NELL1: variants seen among roughly 807,000 people sequenced by gnomAD.
The protein encoded by NELL1 is neural EGFL like 1.
NELL1 carries 76 observed loss-of-function variants against 107.4 expected under a neutral mutation model. That is an observed-to-expected ratio of 0.71 (90% CI 0.59 to 0.86). The LOEUF is 0.86. Ranked by LOEUF, NELL1 falls within the 40% of genes least tolerant of loss-of-function variation. The probability of loss-of-function intolerance (pLI) is 0.00; values close to 1 mark genes in which losing one functional copy is unlikely to be tolerated. For synonymous variants in NELL1, 353 were observed against 341.2 expected (o/e 1.03, Z -0.38); for missense variants, 1,024 against 1,005.5 (o/e 1.02, Z -0.25).
At chr11:21,471,352 C>A (rs1217465543) in intron 15 of NELL1, among the ~76,000 whole-genome samples, 1 of 152,036 alleles carries the variant, frequency 6.6e-6, no homozygotes, top group East Asian at 1.9e-4. Context: ...CATTTTCTGT[C>A]TTGACCACTA....
At chr11:20,753,523 A>G (rs1413735350) in intron 2 of NELL1, among the ~76,000 whole-genome samples, 1 of 152,204 alleles carries the variant, frequency 6.6e-6, no homozygotes, top group Non-Finnish European at 1.5e-5. Context: ...GTCTAGCTCT[A>G]ACTACATATT....
At chr11:21,065,652 G>A (rs908725743) in intron 12 of NELL1, among the ~76,000 whole-genome samples, 5 of 152,206 alleles carry the variant, frequency 3.3e-5, no homozygotes, top group Admixed American at 6.5e-5. Flanking sequence ...GATGTCAACT[G>A]TGGAGTAAAT....
intron 2 of NELL1, among the ~76,000 whole-genome samples, chr11:20,705,241 C>T (rs1196117495): frequency 6.6e-6 from 1 of 152,158 alleles, no homozygotes; most frequent in Non-Finnish European, 1.5e-5. Flanking sequence ...CTGGATGCAT[C>T]ACGCTACCTG....
intron 14 of NELL1, chr11:21,260,431 AC>A: frequency 6.6e-6 from 1 of 152,040 alleles, no homozygotes; most frequent in South Asian, 2.1e-4. Context: ...TGACTGGCAA[AC>A]ATGGCTCTTC....
intron 15 of NELL1, among the ~76,000 whole-genome samples, chr11:21,465,129 T>C (rs911239360): frequency 2.6e-5 from 4 of 152,062 alleles, no homozygotes; most frequent in African/African-American, 9.7e-5. Context: ...TCTGATGGTA[T>C]TCAAATATCC....
chr11:20,902,423 A>C (rs1849895823), intron 5 of NELL1, among the ~76,000 whole-genome samples: 2 of 152,092 alleles, frequency 1.3e-5, no homozygotes, highest in South Asian at 4.1e-4. Flanking sequence ...ATTATGAAAA[A>C]CCATTTCTTC....
chr11:20,792,377 GT>G (rs1027540885), intron 3 of NELL1, among the ~76,000 whole-genome samples: 1 of 151,898 alleles, frequency 6.6e-6, no homozygotes, highest in African/African-American at 2.4e-5. Flanking sequence ...AATCAAAGGT[GT>G]TCATTAAAGT....
At chr11:21,483,269 A>C (rs1484471411) in intron 15 of NELL1, among the ~76,000 whole-genome samples, 1 of 152,150 alleles carries the variant, frequency 6.6e-6, no homozygotes, top group Non-Finnish European at 1.5e-5. Flanking sequence ...CTACCTAGAG[A>C]CCGAATCACT....
At chr11:21,328,691 C>G (rs545750353) in intron 14 of NELL1, among the ~76,000 whole-genome samples, 16 of 152,158 alleles carry the variant, frequency 1.1e-4, no homozygotes, top group Non-Finnish European at 1.9e-4. Context: ...GGAGCTATAC[C>G]CTGCAAAGCC....
At chr11:20,674,593 T>C in intron 1 of NELL1, 1 of 1,383,878 alleles carries the variant, frequency 7.2e-7, no homozygotes, top group South Asian at 1.2e-5. Context: ...ACGTTCCTAT[T>C]TTATGGATGA....
chr11:20,690,096 G>A (rs1590207111), intron 2 of NELL1, among the ~76,000 whole-genome samples: 1 of 152,310 alleles, frequency 6.6e-6, no homozygotes, highest in East Asian at 1.9e-4. Context: ...TTTGAGAAGT[G>A]TCTGTTCATA....
At chr11:21,119,011 T>C (rs1855300707) in intron 13 of NELL1, among the ~76,000 whole-genome samples, 1 of 152,068 alleles carries the variant, frequency 6.6e-6, no homozygotes, top group Admixed American at 6.6e-5. Context: ...TTATAAAAGA[T>C]AGTCACCAAG....
chr11:21,449,863 T>C (rs1853534495), intron 15 of NELL1, among the ~76,000 whole-genome samples: 1 of 152,214 alleles, frequency 6.6e-6, no homozygotes, highest in African/African-American at 2.4e-5. Flanking sequence ...CACTTGTCCC[T>C]ATATAAGTAA....
At chr11:21,127,802 A>G (rs561151145) in intron 13 of NELL1, among the ~76,000 whole-genome samples, 2 of 152,306 alleles carry the variant, frequency 1.3e-5, no homozygotes, top group South Asian at 2.1e-4. Flanking sequence ...TACTTATTTC[A>G]TAAGCATTGC....
At chr11:21,555,327 G>A (rs1330317998) in intron 16 of NELL1, among the ~76,000 whole-genome samples, 6 of 151,992 alleles carry the variant, frequency 3.9e-5, no homozygotes, top group East Asian at 2.0e-4. Context: ...TTAAGCAAGG[G>A]TGATGATTTT....
At chr11:20,847,274 G>A (rs145777557) in intron 3 of NELL1, among the ~76,000 whole-genome samples, 20 of 152,280 alleles carry the variant, frequency 1.3e-4, no homozygotes, top group East Asian at 1.9e-4. Context: ...TTCATGGAAT[G>A]AGGGTTCTGA....
intron 5 of NELL1, among the ~76,000 whole-genome samples, chr11:20,910,430 T>G (rs1018040391): frequency 6.6e-6 from 1 of 152,186 alleles, no homozygotes; most frequent in Non-Finnish European, 1.5e-5. Context: ...GGAATCAATT[T>G]GCAATCATTC....
At chr11:20,850,838 T>C (rs1462449416) in intron 4 of NELL1, among the ~76,000 whole-genome samples, 1 of 152,226 alleles carries the variant, frequency 6.6e-6, no homozygotes, top group Admixed American at 6.5e-5. Flanking sequence ...GGTAATGTTC[T>C]AGTAATAGTA....
intron 16 of NELL1, among the ~76,000 whole-genome samples, chr11:21,551,039 C>A (rs1415113584): frequency 1.3e-5 from 2 of 150,760 alleles, no homozygotes; most frequent in African/African-American, 4.9e-5. Context: ...TGTAGTTCTC[C>A]TTGAACAGGT....
Sources: gnomAD v4.1 joint callset for allele counts (sites outside exome capture counted in the v4.1 genomes callset) on GRCh38, gnomAD v4.1.1 for gene constraint, MANE v1.5 for transcripts, NCBI Gene and HGNC (gene_info 2026-07-23, HGNC 2026-07-21) for gene names.